ATM: variants seen among roughly 807,000 people sequenced by gnomAD.
The protein encoded by ATM is serine-protein kinase ATM.
Under a neutral mutation model 387.0 loss-of-function variants are expected in ATM, and 308 were observed. The observed-to-expected ratio is 0.80, with a 90% CI of 0.73 to 0.87. The LOEUF is 0.87. Ranked by LOEUF, ATM falls within the 40% of genes least tolerant of loss-of-function variation. The pLI, the probability that ATM is intolerant of heterozygous loss-of-function variation, is 0.00. For synonymous variants in ATM, 1,156 were observed against 1,187.3 expected (o/e 0.97, Z 0.54); for missense variants, 3,312 against 3,560.9 (o/e 0.93, Z 1.78).
chr11:108,348,592 A>G (rs1208955454), intron 59 of ATM, among the ~76,000 whole-genome samples: 2 of 151,992 alleles, frequency 1.3e-5, no homozygotes, highest in Non-Finnish European at 2.9e-5. Flanking sequence ...AATGTAAAGA[A>G]GTGTGAATGT....
At position 108,366,262 on chromosome 11, in the gene ATM, A is replaced by G. The variant is rs2091324863; in HGVS notation, c.*754A>G. On this transcript the variant is annotated 3_prime_UTR_variant, in exon 63 of 63. Transcript: ENST00000675843. Reference sequence around the variant, plus strand: ...GTGATAACTTCATAGATTGCCTTCTAGTTCATGAATTCTCTTGTCAGATGT... The same window carrying G: ...GTGATAACTTCATAGATTGCCTTCTGGTTCATGAATTCTCTTGTCAGATGT... 2 of 203,298 alleles carry G rather than the reference A, an allele frequency of 9.8e-6. No individual in the cohort carries two copies. Among genetic ancestry groups the G allele is most frequent in the Non-Finnish European group, 2.0e-5 (2 of 99,098 alleles). 12.6% of individuals were successfully genotyped at this position (203,298 alleles called of 1,614,324 possible).
At chr11:108,331,192 C>T in intron 50 of ATM, 1 of 1,185,544 alleles carries the variant, frequency 8.4e-7, no homozygotes. Context: ...ATAAACAGTA[C>T]CAAGTATTCT....
Position 108,354,875 on chromosome 11 carries a change from G to A in ATM, c.8850+1G>A, listed in dbSNP as rs1555143620. On this transcript the variant is annotated splice_donor_variant, in intron 61 of 62. Coordinates refer to ENST00000675843, the MANE Select transcript of ATM (RefSeq NM_000051.4). LOFTEE classifies it high-confidence loss of function. ...GGAAACTCTGTTAACCATTGTAGAGGTAAAGTATTTTATAAGGAAGACTTT... is the reference window on the plus strand; with the variant it reads ...GGAAACTCTGTTAACCATTGTAGAGATAAAGTATTTTATAAGGAAGACTTT... The A allele has an allele frequency of 1.2e-6, 2 of 1,611,036 alleles. No individual in the cohort carries two copies. Among genetic ancestry groups the A allele is most frequent in the Non-Finnish European group, 1.7e-6 (2 of 1,177,252 alleles).
intron 34 of ATM, among the ~76,000 whole-genome samples, chr11:108,300,830 C>T (rs1168223135): frequency 6.6e-6 from 1 of 150,666 alleles, no homozygotes; most frequent in African/African-American, 2.4e-5. Flanking sequence ...TTAATCACTT[C>T]TAGCCATCCG....
Position 108,343,371 on chromosome 11 carries a change from GGTGA to G in ATM, c.8418+5_8418+8del, listed in dbSNP as rs730881295. ...CCTTTCAGTGCCAAAAGAAAATGATGGTGAGTGACACCCAAAATTAAAGGTTATT... is the reference window on the plus strand; with the variant it reads ...CCTTTCAGTGCCAAAAGAAAATGATGGTGACACCCAAAATTAAAGGTTATT... On this transcript the variant is annotated splice_donor_variant and splice_donor_region_variant and intron_variant, in intron 57 of 62. Coordinates refer to ENST00000675843, the MANE Select transcript of ATM (RefSeq NM_000051.4). LOFTEE classifies it high-confidence loss of function. 75 of 1,613,598 alleles carry G rather than the reference GGTGA, an allele frequency of 4.6e-5. No homozygotes were observed. Among genetic ancestry groups the G allele is most frequent in the Non-Finnish European group, 6.3e-5 (74 of 1,179,808 alleles).
chr11:108,326,098 C>T lies in ATM; in HGVS notation c.6848C>T (p.Ser2283Leu), dbSNP rs876660730. The stretch of plus-strand genomic sequence containing the variant: ...ATATTTCAAATTAAACAGTACAATT[C>T]AGTTAGCTGTGGAGTCTCTGAGTGG... ...RAIFQIKQYN[S>L]VSCGVSEWQL... Residue 2283 changes from serine to leucine, a missense_variant, in exon 47 of 63, where the codon TCA becomes TTA. Around this residue, in one of 4 missense-constraint regions of ATM, gnomAD observed 1,405 missense variants for 1,604.4 expected, o/e 0.88. Coordinates refer to ENST00000675843, the MANE Select transcript of ATM (RefSeq NM_000051.4). 3.1e-6 allele frequency: 5 copies of T among 1,613,966 alleles called. No individual in the cohort carries two copies. Among genetic ancestry groups the T allele is most frequent in the Admixed American group, 1.7e-5 (1 of 60,004 alleles).
At chr11:108,343,414 A>G in intron 57 of ATM, 43 bp downstream of exon 57, 1 of 1,608,562 alleles carries the variant, frequency 6.2e-7, no homozygotes, top group Non-Finnish European at 8.5e-7. Flanking sequence ...AGATTATTTA[A>G]TGGCTTATTA....
intron 22 of ATM, among the ~76,000 whole-genome samples, chr11:108,278,894 T>C (rs151018274): frequency 1.2e-3 from 178 of 152,276 alleles, no homozygotes; most frequent in African/African-American, 4.1e-3. Context: ...AGATATCTAA[T>C]GTTCAGCTAT....
At chr11:108,362,716 G>T (rs932163917) in intron 61 of ATM, among the ~76,000 whole-genome samples, 6 of 142,270 alleles carry the variant, frequency 4.2e-5, no homozygotes, top group Non-Finnish European at 7.6e-5. Context: ...ACCAAACACC[G>T]CATATTCTCA....
chr11:108,270,791 G>T (rs941771260), intron 18 of ATM, among the ~76,000 whole-genome samples: 70 of 152,082 alleles, frequency 4.6e-4, no homozygotes, highest in Non-Finnish European at 9.3e-4. Context: ...CGCCTCCCAG[G>T]TTCAAGCGAT....
At chr11:108,264,222 A>G (rs1434087249) in intron 16 of ATM, among the ~76,000 whole-genome samples, 1 of 152,062 alleles carries the variant, frequency 6.6e-6, no homozygotes, top group Non-Finnish European at 1.5e-5. Context: ...CATTGATGCA[A>G]AAATCCTCAA....
Position 108,330,276 on chromosome 11 carries a change from A to C in ATM, c.7370A>C (p.Glu2457Ala), listed in dbSNP as rs778482902. The change falls in exon 50 of 63, where the codon GAG becomes GCG. Residue 2457 changes from glutamate to alanine, a missense_variant. Glu to Ala is a moderately radical substitution (Grantham distance 107, BLOSUM62 -1). Transcript: ENST00000675843. ...GAATTAGCCCTGCGTGCACTGAAAGAGGATCGTAAACGCTTCTTATGTAAA... is the reference window on the plus strand; with the variant it reads ...GAATTAGCCCTGCGTGCACTGAAAGCGGATCGTAAACGCTTCTTATGTAAA... ...LDELALRALK[E>A]DRKRFLCKAV... is the part of the protein sequence containing the mutation. The C allele has an allele frequency of 2.2e-5, 36 of 1,614,092 alleles. 1 individual carries two copies. In the South Asian group the frequency reaches 4.0e-4, roughly 18 times the overall value.
In ATM at chr11:108,309,539, C is replaced by G. The variant is rs2083970056; in HGVS notation, c.5763-621C>G. Among the ~76,000 whole-genome samples, 4 of 152,166 alleles carry G rather than the reference C, an allele frequency of 2.6e-5. No individual in the cohort carries two copies. The South Asian group carries it at 8.3e-4, about 32-fold the overall frequency. On this transcript the variant is annotated intron_variant, in intron 38 of 62. Transcript: ENST00000675843. Reference sequence around the variant, plus strand: ...GTAGGCAATATAGCTAGATTTGAACCTACCTGTATTGTACTTCAACACTAG... The same window carrying G: ...GTAGGCAATATAGCTAGATTTGAACGTACCTGTATTGTACTTCAACACTAG...
intron 49 of ATM, 28 bp from the exon 50 acceptor site, chr11:108,330,186 G>A (rs2136449536): frequency 1.2e-6 from 2 of 1,601,312 alleles, no homozygotes; most frequent in Non-Finnish European, 1.7e-6. Flanking sequence ...CATGGCTTTT[G>A]TGTTTTACCT....
rs2086709775 is a variant in ATM at position 108,335,242 on chromosome 11, A to C, written c.8151+133A>C. The C allele has an allele frequency of 1.9e-6, 3 of 1,546,036 alleles. No individual in the cohort carries two copies. In the African/African-American group the frequency reaches 4.1e-5, roughly 21 times the overall value. ...TACAAATGAGGAAGATTTGTAGAGT[A>C]GAAATGCATTATTTTCTAGAACCAG... On this transcript the variant is annotated intron_variant, in intron 55 of 62. Coordinates refer to ENST00000675843, the MANE Select transcript of ATM (RefSeq NM_000051.4).
chr11:108,284,275 T>G lies in ATM; in HGVS notation c.3795T>G (p.Phe1265Leu), dbSNP rs755536924. The change falls in exon 26 of 63, where the codon TTT becomes TTG. Residue 1265 changes from phenylalanine to leucine, a missense_variant. Phe to Leu is a conservative substitution (Grantham distance 22). Coordinates refer to ENST00000675843, the MANE Select transcript of ATM (RefSeq NM_000051.4). ...LIPHLVIRSH[F>L]DEVKSIANQI... ...CACATCTGGTGATTAGAAGTCATTT[T>G]GATGAGGTGAAGTCCATTGCTAATC... 1.2e-6 allele frequency: 2 copies of G among 1,613,282 alleles called. No individual in the cohort carries two copies. The highest frequency in any genetic ancestry group is 2.2e-5 in the South Asian group (2 of 91,062).
At chr11:108,240,266 T>C (rs1469426376) in intron 5 of ATM, among the ~76,000 whole-genome samples, 1 of 152,196 alleles carries the variant, frequency 6.6e-6, no homozygotes, top group East Asian at 1.9e-4. Context: ...TATTACAGAA[T>C]CATACAGAAT....
At chr11:108,255,404 T>C (rs920520969) in intron 13 of ATM, among the ~76,000 whole-genome samples, 6 of 150,026 alleles carry the variant, frequency 4.0e-5, no homozygotes, top group African/African-American at 7.4e-5. Context: ...TCTTAGTAAT[T>C]CTATAAAATT....
At chr11:108,262,528 C>A (rs976803951) in intron 16 of ATM, among the ~76,000 whole-genome samples, 1 of 152,248 alleles carries the variant, frequency 6.6e-6, no homozygotes, top group African/African-American at 2.4e-5. Context: ...GCTGCAAAAT[C>A]ATGCCAAAAT....
Sources: allele counts gnomAD v4.1 joint callset (sites outside exome capture counted in the v4.1 genomes callset), GRCh38; gene constraint gnomAD v4.1.1; regional missense constraint gnomAD v4.1.1; transcripts MANE v1.5; gene names NCBI Gene and HGNC (gene_info 2026-07-23, HGNC 2026-07-21).